SPTBN1: variants seen among roughly 807,000 people sequenced by gnomAD.
SPTBN1 encodes the protein spectrin beta chain, non-erythrocytic 1.
In SPTBN1, 32 loss-of-function variants were observed where a neutral mutation model predicts 266.4. That is an observed-to-expected ratio of 0.12 (90% CI 0.09 to 0.16). The LOEUF is 0.16. Ranked by LOEUF, SPTBN1 falls within the 10% of genes least tolerant of loss-of-function variation. SPTBN1 has a pLI of 1.00. For missense variants in SPTBN1, 2,296 were observed against 3,067.1 expected, an observed-to-expected ratio of 0.75 and a Z score of 5.94; for synonymous variants, 1,336 against 1,162.2, an observed-to-expected ratio of 1.15 and a Z score of -3.04.
chr2:54,580,247 A>T (rs554126045), intron 2 of SPTBN1, among the ~76,000 whole-genome samples: 15 of 152,324 alleles, frequency 9.8e-5, no homozygotes, highest in African/African-American at 3.4e-4. Context: ...CTTTACTGTT[A>T]CATAGGGAGT....
intron 2 of SPTBN1, among the ~76,000 whole-genome samples, chr2:54,583,491 GGCTTT>G (rs1199753677): frequency 6.6e-6 from 1 of 152,042 alleles, no homozygotes; most frequent in Admixed American, 6.6e-5. Flanking sequence ...GCTGACCCTG[GGCTTT>G]GCTCTTTCTG....
intron 18 of SPTBN1, among the ~76,000 whole-genome samples, chr2:54,641,259 A>G (rs139574195): frequency 6.6e-6 from 1 of 152,234 alleles, no homozygotes; most frequent in Non-Finnish European, 1.5e-5. Flanking sequence ...AGCAAAGAGC[A>G]GATTTGTTTA....
At chr2:54,462,114 T>C (rs1693397303) in intron 1 of SPTBN1, among the ~76,000 whole-genome samples, 1 of 152,246 alleles carries the variant, frequency 6.6e-6, no homozygotes, top group Non-Finnish European at 1.5e-5. Context: ...AGTTTCCTCA[T>C]TGGAAAAATC....
intron 32 of SPTBN1, chr2:54,660,295 T>G: frequency 1.5e-6 from 2 of 1,297,998 alleles, no homozygotes; most frequent in Non-Finnish European, 2.0e-6. Flanking sequence ...TGTTTATTTA[T>G]TGTGAGCTTT....
intron 2 of SPTBN1, among the ~76,000 whole-genome samples, chr2:54,541,687 A>G (rs924826378): frequency 6.6e-6 from 1 of 152,208 alleles, no homozygotes; most frequent in African/African-American, 2.4e-5. Flanking sequence ...TCAATGGATG[A>G]CTTCAGAGTA....
At chr2:54,564,685 C>CT (rs1202078269) in intron 2 of SPTBN1, among the ~76,000 whole-genome samples, 1 of 152,184 alleles carries the variant, frequency 6.6e-6, no homozygotes, top group Admixed American at 6.5e-5. Context: ...CAGGATCAGT[C>CT]TTTTGAGGTT....
intron 2 of SPTBN1, among the ~76,000 whole-genome samples, chr2:54,569,971 T>TCCC (rs372014140): frequency 2.1e-5 from 3 of 141,212 alleles, no homozygotes; most frequent in Non-Finnish European, 4.6e-5. Context: ...CTGAAACCAT[T>TCCC]CCCCCCCCCC....
At chr2:54,613,925 C>T (rs1677396059) in intron 4 of SPTBN1, among the ~76,000 whole-genome samples, 1 of 152,208 alleles carries the variant, frequency 6.6e-6, no homozygotes, top group African/African-American at 2.4e-5. Flanking sequence ...GGAAGGCCAT[C>T]CTGACTGTGG....
chr2:54,517,403 T>C (rs1573315332), intron 1 of SPTBN1, among the ~76,000 whole-genome samples: 1 of 152,206 alleles, frequency 6.6e-6, no homozygotes, highest in African/African-American at 2.4e-5. Context: ...AAAATAATTA[T>C]GATCTTGTAA....
At chr2:54,605,931 A>T (rs1039891841) in intron 3 of SPTBN1, among the ~76,000 whole-genome samples, 1 of 152,128 alleles carries the variant, frequency 6.6e-6, no homozygotes, top group Admixed American at 6.6e-5. Flanking sequence ...GGTCCCTGTG[A>T]TGTGGCATTG....
intron 1 of SPTBN1, among the ~76,000 whole-genome samples, chr2:54,502,643 A>G (rs1295605903): frequency 2.6e-5 from 4 of 152,240 alleles, no homozygotes; most frequent in African/African-American, 4.8e-5. Flanking sequence ...AGATGTGTTC[A>G]TGGAAAATCC....
chr2:54,612,338 A>G lies in SPTBN1; in HGVS notation c.474+4A>G. On this transcript the variant is annotated splice_donor_region_variant and intron_variant, in intron 4 of 35. Coordinates refer to ENST00000356805, the MANE Select transcript of SPTBN1 (RefSeq NM_003128.3). ...GACCATCATCCTGCGCTTCCAGGTA[A>G]GGGTCTCTGCCCAGGGTTGCTCAGA... 6.2e-7 allele frequency: 1 copy of G among 1,610,354 alleles called. No homozygotes were observed. The highest frequency in any genetic ancestry group is 1.1e-5 in the South Asian group (1 of 90,606).
At chr2:54,630,743 G>A in intron 15 of SPTBN1, 112 bp from the exon 16 acceptor site, 1 of 1,323,962 alleles carries the variant, frequency 7.6e-7, no homozygotes, top group Non-Finnish European at 1.0e-6. Flanking sequence ...TGTAGTCAAA[G>A]CACAGATGGA....
chr2:54,531,235 C>G (rs544761533), intron 2 of SPTBN1, among the ~76,000 whole-genome samples: 1 of 152,222 alleles, frequency 6.6e-6, no homozygotes, highest in Non-Finnish European at 1.5e-5. Flanking sequence ...GGACTTGGAA[C>G]TGGCATCTGA....
chr2:54,522,684 A>G (rs1670538045), intron 1 of SPTBN1, among the ~76,000 whole-genome samples: 1 of 122,294 alleles, frequency 8.2e-6, no homozygotes, highest in Non-Finnish European at 1.8e-5. Flanking sequence ...GAGAGGAGAG[A>G]GAGAGAGAGA....
intron 2 of SPTBN1, among the ~76,000 whole-genome samples, chr2:54,530,731 A>G (rs775413332): frequency 2.0e-5 from 3 of 152,172 alleles, no homozygotes; most frequent in Non-Finnish European, 2.9e-5. Flanking sequence ...CTTTTAATTC[A>G]ATGCAGTATA....
chr2:54,653,689 G>A lies in SPTBN1; in HGVS notation c.5658G>A (p.Glu1886=). The change falls in exon 27 of 36, where the codon GAG becomes GAA. Residue 1886 remains glutamate, a synonymous_variant. Coordinates refer to ENST00000356805, the MANE Select transcript of SPTBN1 (RefSeq NM_003128.3). This position sits in a 1 kb window ranked among gnomAD's most constrained non-coding sequence, Gnocchi z 5.1. ...GDKADDIQKR[E]NEVLEAWKSL... ...AGGCCGACGATATCCAGAAGCGCGA[G>A]AACGAGGTCCTGGAAGCCTGGAAGT... is the stretch of plus-strand genomic sequence containing the variant. The A allele has an allele frequency of 6.2e-7, 1 of 1,614,194 alleles. No individual in the cohort carries two copies. Among genetic ancestry groups the A allele is most frequent in the Non-Finnish European group, 8.5e-7 (1 of 1,180,022 alleles).
At chr2:54,601,858 G>A (rs1445706067) in intron 3 of SPTBN1, among the ~76,000 whole-genome samples, 2 of 152,142 alleles carry the variant, frequency 1.3e-5, no homozygotes, top group Admixed American at 6.5e-5. Flanking sequence ...AAACATTAAT[G>A]ACCCAGACAA....
chr2:54,530,579 G>C (rs757035835), intron 2 of SPTBN1, among the ~76,000 whole-genome samples: 1 of 151,802 alleles, frequency 6.6e-6, no homozygotes, highest in Admixed American at 6.6e-5. Context: ...GGACGGTCTC[G>C]ATCTCCTGAC....
Sources: gnomAD v4.1 joint callset for allele counts (sites outside exome capture counted in the v4.1 genomes callset) on GRCh38, gnomAD v4.1.1 for gene constraint, Gnocchi (gnomAD v3.1) non-coding constraint, MANE v1.5 for transcripts, NCBI Gene and HGNC (gene_info 2026-07-23, HGNC 2026-07-21) for gene names.